CSMD1: variants seen among roughly 807,000 people sequenced by gnomAD.
The protein encoded by CSMD1 is CUB and Sushi multiple domains 1.
Under a neutral mutation model 417.5 loss-of-function variants are expected in CSMD1, and 213 were observed. That is an observed-to-expected ratio of 0.51 (90% confidence interval 0.46 to 0.57). The LOEUF is 0.57. CSMD1 is among the 20% of genes least tolerant of loss of function. The pLI, the probability that CSMD1 is intolerant of heterozygous loss-of-function variation, is 0.00. For synonymous variants in CSMD1, 2,862 were observed against 1,736.8 expected (o/e 1.65, Z -16.11); for missense variants, 6,923 against 4,529.7 (o/e 1.53, Z -15.17).
chr8:4,616,879 G>C (rs547377482), intron 2 of CSMD1, among the ~76,000 whole-genome samples: 2 of 152,226 alleles, frequency 1.3e-5, no homozygotes, highest in Admixed American at 1.3e-4. Flanking sequence ...TAAAATTATA[G>C]TTTGTTTTAC....
chr8:3,359,033 C>G, intron 21 of CSMD1, 119 bp downstream of exon 21: 1 of 909,130 alleles, frequency 1.1e-6, no homozygotes, highest in Non-Finnish European at 1.7e-6. Context: ...GGAGCCCACA[C>G]TTTCACCCTC....
chr8:4,223,624 T>C (rs1426061428), intron 3 of CSMD1, among the ~76,000 whole-genome samples: 8 of 152,234 alleles, frequency 5.3e-5, no homozygotes, highest in Admixed American at 3.9e-4. Context: ...AAGAATAGAT[T>C]AGCAGCCAGG....
chr8:4,187,418 A>G (rs1053037681), intron 3 of CSMD1, among the ~76,000 whole-genome samples: 3 of 152,122 alleles, frequency 2.0e-5, no homozygotes, highest in Admixed American at 6.5e-5. Context: ...AGGCCAAGGC[A>G]GGCAGATCAC....
At chr8:3,643,452 T>C (rs2449197) in intron 7 of CSMD1, among the ~76,000 whole-genome samples, 72,122 of 151,848 alleles carry the variant, frequency 0.47, 17,285 homozygotes, top group Middle Eastern at 0.6. Flanking sequence ...CCTGTAATCC[T>C]AGCACTTTGG....
At chr8:4,277,380 A>G (rs1465279612) in intron 3 of CSMD1, among the ~76,000 whole-genome samples, 2 of 152,078 alleles carry the variant, frequency 1.3e-5, no homozygotes, top group Non-Finnish European at 2.9e-5. Context: ...CTGAATCTGA[A>G]GGTGTCTGGC....
At chr8:4,326,846 C>A (rs1017639116) in intron 3 of CSMD1, among the ~76,000 whole-genome samples, 1 of 151,764 alleles carries the variant, frequency 6.6e-6, no homozygotes, top group Non-Finnish European at 1.5e-5. Flanking sequence ...AAAAAGGTCA[C>A]AGGTGAAGCT....
intron 5 of CSMD1, among the ~76,000 whole-genome samples, chr8:3,980,225 C>A (rs1268874824): frequency 6.6e-6 from 1 of 152,210 alleles, no homozygotes; most frequent in Non-Finnish European, 1.5e-5. Flanking sequence ...TCTTATCAAC[C>A]ATTGGCATAG....
At chr8:3,496,129 G>C (rs571705241) in intron 10 of CSMD1, among the ~76,000 whole-genome samples, 3 of 152,226 alleles carry the variant, frequency 2.0e-5, no homozygotes, top group East Asian at 3.9e-4. Flanking sequence ...TCATTGTTCA[G>C]CTCCCCTTTG....
intron 3 of CSMD1, among the ~76,000 whole-genome samples, chr8:4,056,676 C>G (rs1196789901): frequency 2.6e-5 from 4 of 151,830 alleles, no homozygotes; most frequent in Non-Finnish European, 5.9e-5. Flanking sequence ...CTCATGCTAT[C>G]CCTCCCCACT....
At chr8:3,269,656 C>G (rs2117141867) in intron 26 of CSMD1, among the ~76,000 whole-genome samples, 1 of 152,286 alleles carries the variant, frequency 6.6e-6, no homozygotes, top group East Asian at 1.9e-4. Context: ...CTGACAGTGC[C>G]ACACTGAGCG....
At chr8:3,234,519 G>A (rs1799036467) in intron 26 of CSMD1, among the ~76,000 whole-genome samples, 1 of 151,706 alleles carries the variant, frequency 6.6e-6, no homozygotes, top group Non-Finnish European at 1.5e-5. Context: ...GGGTTTCGGA[G>A]TAGGTTTTTC....
chr8:4,915,462 T>C (rs2117110952), intron 1 of CSMD1, among the ~76,000 whole-genome samples: 1 of 152,326 alleles, frequency 6.6e-6, no homozygotes, highest in South Asian at 2.1e-4. Flanking sequence ...GCGTACAATC[T>C]TCCTTTCCTC....
At chr8:3,855,729 T>C (rs951570942) in intron 5 of CSMD1, among the ~76,000 whole-genome samples, 1 of 152,208 alleles carries the variant, frequency 6.6e-6, no homozygotes, top group Admixed American at 6.5e-5. Context: ...GAAAATTTCA[T>C]TTTCATGGGT....
intron 7 of CSMD1, among the ~76,000 whole-genome samples, chr8:3,701,243 A>G (rs773418205): frequency 1.3e-5 from 2 of 152,170 alleles, no homozygotes; most frequent in Non-Finnish European, 2.9e-5. Context: ...ACCTCAGTCC[A>G]TTCTGGAATT....
At chr8:4,493,933 T>A (rs1195736679) in intron 2 of CSMD1, among the ~76,000 whole-genome samples, 1 of 152,160 alleles carries the variant, frequency 6.6e-6, no homozygotes, top group African/African-American at 2.4e-5. Flanking sequence ...CTTGAATTTT[T>A]AAAAATTGGT....
intron 1 of CSMD1, among the ~76,000 whole-genome samples, chr8:4,786,260 A>AT (rs1024174683): frequency 3.5e-4 from 54 of 152,230 alleles, no homozygotes; most frequent in African/African-American, 1.3e-3. Flanking sequence ...ATTTAGGACT[A>AT]TTTTTTCTTT....
intron 57 of CSMD1, among the ~76,000 whole-genome samples, chr8:2,968,128 T>C (rs1204703076): frequency 2.0e-5 from 3 of 152,218 alleles, no homozygotes; most frequent in East Asian, 3.9e-4. Flanking sequence ...GAAAGTTTTA[T>C]GATAACTATA....
At chr8:3,817,050 G>C (rs1249180336) in intron 5 of CSMD1, among the ~76,000 whole-genome samples, 1 of 151,984 alleles carries the variant, frequency 6.6e-6, no homozygotes, top group African/African-American at 2.4e-5. Context: ...AAGAGAGAAA[G>C]AAACAGGGTG....
chr8:4,546,015 G>T (rs774731614), intron 2 of CSMD1, among the ~76,000 whole-genome samples: 10 of 152,056 alleles, frequency 6.6e-5, no homozygotes, highest in Non-Finnish European at 1.5e-4. Flanking sequence ...ATCCACAGCT[G>T]CATCTACAGA....
Sources: gnomAD v4.1 joint callset for allele counts (sites outside exome capture counted in the v4.1 genomes callset) on GRCh38, gnomAD v4.1.1 for gene constraint, MANE v1.5 for transcripts, NCBI Gene and HGNC (gene_info 2026-07-23, HGNC 2026-07-21) for gene names.